ARAP2: variants seen among roughly 807,000 people sequenced by gnomAD.
ARAP2 encodes ArfGAP with RhoGAP domain, ankyrin repeat and PH domain 2, also known as arf-GAP with Rho-GAP domain, ANK repeat and PH domain-containing protein 2.
Under a neutral mutation model 194.5 loss-of-function variants are expected in ARAP2, and 148 were observed. The observed-to-expected ratio is 0.76, with a 90% CI of 0.67 to 0.87. The LOEUF (loss-of-function observed/expected upper bound fraction) is 0.87, where lower values mean the gene tolerates loss of function less well. ARAP2 is among the 40% of genes least tolerant of loss of function. The pLI is 0.00. For synonymous variants in ARAP2, 695 were observed against 683.5 expected, an observed-to-expected ratio of 1.02 and a Z score of -0.26; for missense variants, 2,128 against 1,989.7, an observed-to-expected ratio of 1.07 and a Z score of -1.32.
chr4:36,154,153 G>T (rs979519689), intron 15 of ARAP2, among the ~76,000 whole-genome samples: 1 of 152,122 alleles, frequency 6.6e-6, no homozygotes, highest in Non-Finnish European at 1.5e-5. Flanking sequence ...TTACGGTAAA[G>T]AATGTGTACA....
At chr4:36,028,667 C>T (rs1165812771) in intron 5 of ARAP2, among the ~76,000 whole-genome samples, 1 of 151,268 alleles carries the variant, frequency 6.6e-6, no homozygotes, top group Non-Finnish European at 1.5e-5. Context: ...TCCTGTTTTC[C>T]CTTTCACTAA....
At chr4:36,156,389 GAGAAAGAAAGAAAGAAAGAAA>G (rs1732406065) in intron 15 of ARAP2, among the ~76,000 whole-genome samples, 2 of 12,566 alleles carry the variant, frequency 1.6e-4, no homozygotes, top group African/African-American at 4.1e-4. Context: ...AAGAGAGAGA[GAGAAAGAAAGAAAGAAAGAAA>G]GAAAGAAAGA....
intron 15 of ARAP2, among the ~76,000 whole-genome samples, chr4:36,156,291 G>C: frequency 7.6e-6 from 1 of 131,088 alleles, no homozygotes; most frequent in Non-Finnish European, 1.6e-5. Flanking sequence ...AAGGAAGGAA[G>C]GAAAGAAGGA....
At chr4:36,101,817 T>C (rs1345645017) in intron 27 of ARAP2, among the ~76,000 whole-genome samples, 1 of 152,034 alleles carries the variant, frequency 6.6e-6, no homozygotes, top group Non-Finnish European at 1.5e-5. Flanking sequence ...TTCTGTCTCC[T>C]ATCCTGGGAT....
chr4:36,070,130 A>T (rs760175152), intron 32 of ARAP2, among the ~76,000 whole-genome samples: 5 of 152,200 alleles, frequency 3.3e-5, no homozygotes, highest in Non-Finnish European at 7.3e-5. Flanking sequence ...TATAGCAATG[A>T]GGGAATAGAC....
intron 13 of ARAP2, chr4:36,159,875 G>T: frequency 6.1e-6 from 1 of 162,602 alleles, no homozygotes; most frequent in Non-Finnish European, 1.3e-5. Flanking sequence ...TGTTTTTCAT[G>T]TGAATGTTAA....
intron 25 of ARAP2, among the ~76,000 whole-genome samples, chr4:36,116,679 T>C (rs1721407854): frequency 6.6e-6 from 1 of 151,816 alleles, no homozygotes; most frequent in African/African-American, 2.4e-5. Flanking sequence ...ACATGCATTA[T>C]CTTATTGAAT....
chr4:36,168,026 A>T (rs1157321177), intron 9 of ARAP2, among the ~76,000 whole-genome samples: 3 of 151,770 alleles, frequency 2.0e-5, no homozygotes, highest in African/African-American at 7.3e-5. Flanking sequence ...AAAAAAAAAA[A>T]TACTGGCCCA....
chr4:36,188,120 GAC>G (rs1359899693), intron 7 of ARAP2, among the ~76,000 whole-genome samples: 1 of 152,110 alleles, frequency 6.6e-6, no homozygotes, highest in African/African-American at 2.4e-5. Flanking sequence ...AATAAAAAAA[GAC>G]AGATTTTTCT....
chr4:36,050,317 A>G (rs1393151060), intron 3 of ARAP2, among the ~76,000 whole-genome samples: 1 of 152,218 alleles, frequency 6.6e-6, no homozygotes, highest in Non-Finnish European at 1.5e-5. Context: ...CATGTCTGAT[A>G]TTGTTTTACC....
chr4:36,161,001 A>C (rs551913320), intron 12 of ARAP2, among the ~76,000 whole-genome samples: 5 of 152,344 alleles, frequency 3.3e-5, no homozygotes, highest in Middle Eastern at 3.4e-3. Context: ...ACAAGGAGCC[A>C]AAAATGGAGA....
intron 9 of ARAP2, among the ~76,000 whole-genome samples, chr4:36,008,966 T>A (rs1285092760): frequency 2.0e-5 from 3 of 152,088 alleles, no homozygotes; most frequent in African/African-American, 7.2e-5. Flanking sequence ...TCATTAATCA[T>A]CAGAGAAATA....
intron 20 of ARAP2, among the ~76,000 whole-genome samples, chr4:36,130,418 C>T (rs1725142569): frequency 6.6e-6 from 1 of 151,848 alleles, no homozygotes. Flanking sequence ...CCACAAAGCT[C>T]CCAGCACAAA....
chr4:36,155,654 T>TA (rs1732092273), intron 15 of ARAP2, among the ~76,000 whole-genome samples: 1 of 151,472 alleles, frequency 6.6e-6, no homozygotes, highest in African/African-American at 2.4e-5. Flanking sequence ...TTTATTTATT[T>TA]TTTTTTTTAT....
chr4:36,080,067 A>T, intron 31 of ARAP2, 149 bp downstream of exon 31: 1 of 606,598 alleles, frequency 1.6e-6, no homozygotes, highest in Non-Finnish European at 2.8e-6. Context: ...TACTATTTTA[A>T]AAACTAAGAA....
chr4:36,094,256 TATAAAA>T (rs1311241706), intron 27 of ARAP2, among the ~76,000 whole-genome samples: 2 of 152,206 alleles, frequency 1.3e-5, no homozygotes, highest in African/African-American at 4.8e-5. Context: ...TCATTAGTCC[TATAAAA>T]ATAAAGTTTT....
At chr4:36,157,111 A>C (rs4318668) in intron 15 of ARAP2, among the ~76,000 whole-genome samples, 127,142 of 152,074 alleles carry the variant, frequency 0.84, 53,232 homozygotes, top group East Asian at 0.92. Context: ...TTATTTTTAA[A>C]CTGCAGAATG....
At position 36,166,962 on chromosome 4, in the gene ARAP2, A is replaced by G. The variant is rs754726005; in HGVS notation, c.1943T>C (p.Phe648Ser). Reference sequence around the variant, plus strand: ...ACTCCTGTAGGGAGTGATTATTTCAAAAGATTGTTTCACAGTTCGGTCCAC... The same window carrying G: ...ACTCCTGTAGGGAGTGATTATTTCAGAAGATTGTTTCACAGTTCGGTCCAC... ...KQVDRTVKQS[F>S]EIITPYRSFS... The change falls in exon 10 of 33, where the codon TTT becomes TCT. Residue 648 changes from phenylalanine to serine, a missense_variant. Transcript: ENST00000303965. The G allele has an allele frequency of 1.2e-6, 2 of 1,607,292 alleles. No individual in the cohort carries two copies. Among genetic ancestry groups the G allele is most frequent in the Non-Finnish European group, 1.7e-6 (2 of 1,177,348 alleles).
chr4:36,216,584 A>G (rs1747979585), intron 2 of ARAP2, among the ~76,000 whole-genome samples: 1 of 152,226 alleles, frequency 6.6e-6, no homozygotes, highest in South Asian at 2.1e-4. Flanking sequence ...TTGAAAACAG[A>G]TGTTCACAGA....
Sources: gnomAD v4.1 joint callset for allele counts (sites outside exome capture counted in the v4.1 genomes callset) on GRCh38, gnomAD v4.1.1 for gene constraint, MANE v1.5 for transcripts, NCBI Gene and HGNC (gene_info 2026-07-23, HGNC 2026-07-21) for gene names.